Variants in HERC2 observed in about 807,000 individuals in gnomAD.
HERC2 encodes HECT and RLD domain containing E3 ubiquitin protein ligase 2, also known as E3 ubiquitin-protein ligase HERC2.
A neutral mutation model predicts 537.7 loss-of-function variants in HERC2; 102 were observed. The observed-to-expected ratio is 0.19, with a 90% CI of 0.16 to 0.22. HERC2 has a LOEUF of 0.22. Ranked by LOEUF, HERC2 falls within the 10% of genes least tolerant of loss-of-function variation. The pLI, the probability that HERC2 is intolerant of heterozygous loss-of-function variation, is 1.00. For synonymous variants in HERC2, 2,224 were observed against 2,466.2 expected (o/e 0.90, Z 2.91); for missense variants, 4,236 against 6,198.2 (o/e 0.68, Z 10.63).
At chr15:28,237,978 A>C in intron 25 of HERC2, 136 bp downstream of exon 25, 1 of 766,242 alleles carries the variant, frequency 1.3e-6, no homozygotes, top group Admixed American at 1.8e-5. Context: ...AAAACTTCTA[A>C]AGGATCTTTA....
At position 28,292,995 on chromosome 15, in the gene HERC2, T is replaced by G. The variant is rs781528176; in HGVS notation, c.215A>C (p.Lys72Thr). 3.4e-5 allele frequency: 55 copies of G among 1,610,856 alleles called. No individual in the cohort carries two copies. The highest frequency in any genetic ancestry group is 4.2e-5 in the Non-Finnish European group (50 of 1,179,596). ...CTCTTTGTCATTCAGATCTTCTTTCTTTGTTCCACTTGGTTCGACACTATC... is the reference window on the plus strand; with the variant it reads ...CTCTTTGTCATTCAGATCTTCTTTCGTTGTTCCACTTGGTTCGACACTATC... Reference protein sequence around the residue: ...KDDSVEPSGTKKEDLNDKEKK... With the variant: ...KDDSVEPSGTTKEDLNDKEKK... Residue 72 changes from lysine (K) to threonine (T), a missense_variant, in exon 4 of 93, where the codon AAG becomes ACG. Physicochemically the swap from Lys to Thr is moderately conservative, Grantham distance 78. This residue lies in a region of HERC2 where 491 missense variants were observed against 559.3 expected (regional missense o/e 0.88). Coordinates refer to ENST00000261609, the MANE Select transcript of HERC2 (RefSeq NM_004667.6).
chr15:28,156,693 G>A (rs1040573769), intron 69 of HERC2, among the ~76,000 whole-genome samples: 1 of 152,186 alleles, frequency 6.6e-6, no homozygotes, highest in African/African-American at 2.4e-5. Flanking sequence ...CATGTCATCT[G>A]CAAACAGGGA....
In HERC2 at chr15:28,246,774, T is replaced by G; in HGVS notation, c.3359A>C (p.Glu1120Ala). 6.2e-7 allele frequency: 1 copy of G among 1,605,290 alleles called. No individual in the cohort carries two copies. The highest frequency in any genetic ancestry group is 8.5e-7 in the Non-Finnish European group (1 of 1,176,368). The change falls in exon 22 of 93, where the codon GAG (glutamate) becomes GCG (alanine). Residue 1120 changes from glutamate to alanine, a missense_variant. This residue lies in a region of HERC2 where 754 missense variants were observed against 1,085.0 expected (regional missense o/e 0.69). Transcript: ENST00000261609. ...GTCCCCTTCCACAATGTAAGCCACC[T>G]CCGCGAAGTGCCGCCAGCTGGTAGA... ...IASTSWRHFA[E>A]VAYIVEGDFT...
chr15:28,158,617 A>G (rs1303861872), intron 69 of HERC2, among the ~76,000 whole-genome samples: 2 of 151,856 alleles, frequency 1.3e-5, no homozygotes, highest in African/African-American at 2.4e-5. Flanking sequence ...CTTTATTTTG[A>G]GCCTATGTGT....
rs1421547518 is a variant in HERC2, at chr15:28,177,197, C to T, written c.9255-70G>A. The stretch of plus-strand genomic sequence containing the variant: ...CTTAGAGATGAAGGAAAAAAGACAT[C>T]TATACTGATCCACATGTAGTCAACA... On this transcript the variant is annotated intron_variant, in intron 60 of 92. Coordinates refer to ENST00000261609, the MANE Select transcript of HERC2 (RefSeq NM_004667.6). This position sits in a 1 kb window ranked among gnomAD's most constrained non-coding sequence, Gnocchi z 5.0. The T allele has an allele frequency of 6.9e-7, 1 of 1,453,618 alleles. No homozygotes were observed. The highest frequency in any genetic ancestry group is 2.3e-5 in the East Asian group (1 of 43,974). 90.0% of individuals were successfully genotyped at this position (1,453,618 alleles called of 1,614,324 possible).
At position 28,192,096 on chromosome 15, in the gene HERC2, G is replaced by A. The variant is rs953538474; in HGVS notation, c.8316C>T (p.Ser2772=). The change falls in exon 53 of 93, where the codon AGC becomes AGT. Residue 2772 remains serine (S), a synonymous_variant. Coordinates refer to ENST00000261609, the MANE Select transcript of HERC2 (RefSeq NM_004667.6). ...TGTCCAGCAGCATGCCTGGCTGGCT[G>A]CTGTGGCAACGCTTCAGCTGTTTTC... ...RSGKQLKRCH[S]SQPGMLLDSW... 1 of 1,614,008 alleles carries A rather than the reference G, an allele frequency of 6.2e-7. No individual in the cohort carries two copies. The highest frequency in any genetic ancestry group is 8.5e-7 in the Non-Finnish European group (1 of 1,180,000).
At chr15:28,202,271 C>T (rs771078132) in intron 46 of HERC2, 22 bp from the exon 47 acceptor site, 2 of 1,612,766 alleles carry the variant, frequency 1.2e-6, no homozygotes, top group Non-Finnish European at 1.7e-6. Context: ...ACACACAGCA[C>T]AGCAGCCACT....
At chr15:28,128,130 C>A (rs1460269344) in intron 83 of HERC2, among the ~76,000 whole-genome samples, 2 of 152,136 alleles carry the variant, frequency 1.3e-5, no homozygotes, top group African/African-American at 4.8e-5. Context: ...GAATGTGCTA[C>A]AAAATAACTG....
chr15:28,238,279 G>C (rs1224763177), intron 24 of HERC2, 62 bp from the exon 25 acceptor site: 1 of 1,194,204 alleles, frequency 8.4e-7, no homozygotes, highest in Non-Finnish European at 1.3e-6. Flanking sequence ...AGATATAGGA[G>C]AAACAGTGAA....
Position 28,246,044 on chromosome 15 carries a change from T to C in HERC2, c.3414A>G (p.Val1138=). Residue 1138 remains valine (V), a synonymous_variant, in exon 23 of 93, where the codon GTA becomes GTG. Coordinates refer to ENST00000261609, the MANE Select transcript of HERC2 (RefSeq NM_004667.6). ...DFTGVLLPEL[V]VSIVLLLSKN... ...TACTGAGCAGAAGCACTATAGAAACTACTAGTTCTGGAAGGAGAACACCTA... is the reference window on the plus strand; with the variant it reads ...TACTGAGCAGAAGCACTATAGAAACCACTAGTTCTGGAAGGAGAACACCTA... 1 of 1,608,550 alleles carries C rather than the reference T, an allele frequency of 6.2e-7. No individual in the cohort carries two copies. Among genetic ancestry groups the C allele is most frequent in the Non-Finnish European group, 8.5e-7 (1 of 1,176,728 alleles).
intron 68 of HERC2, among the ~76,000 whole-genome samples, chr15:28,164,324 C>T (rs1003266373): frequency 4.6e-5 from 7 of 152,178 alleles, no homozygotes; most frequent in Admixed American, 4.6e-4. Context: ...CCAGTGGACC[C>T]TGGAAACCAC....
chr15:28,284,923 A>G lies in HERC2; in HGVS notation c.323-4636T>C, dbSNP rs796890353. On this transcript the variant is annotated intron_variant, in intron 4 of 92. Coordinates refer to ENST00000261609, the MANE Select transcript of HERC2 (RefSeq NM_004667.6). ...AAGGAGCGAAACTCCGTCTCGGAAA[A>G]AAAAAAAAAAAAAAAAAAAAAAAAA... Among the ~76,000 whole-genome samples, 551 of 136,102 alleles carry G rather than the reference A, an allele frequency of 4.0e-3. 1 individual carries two copies. The highest frequency in any genetic ancestry group is 0.017 in the African/African-American group (520 of 30,656). The allele number at this position is 136,102 out of a possible 152,430, so 89.3% of individuals were successfully genotyped here.
At chr15:28,274,164 A>T in intron 7 of HERC2, 127 bp downstream of exon 7, 1 of 833,558 alleles carries the variant, frequency 1.2e-6, no homozygotes, top group Non-Finnish European at 1.9e-6. Context: ...CACAGCACTG[A>T]CAGCCCGCTG....
At chr15:28,156,624 T>C (rs766256958) in intron 69 of HERC2, among the ~76,000 whole-genome samples, 1 of 152,224 alleles carries the variant, frequency 6.6e-6, no homozygotes, top group Non-Finnish European at 1.5e-5. Flanking sequence ...TTTGCTGAAG[T>C]TGCTGATCAG....
At chr15:28,114,550 A>G in intron 90 of HERC2, 62 bp downstream of exon 90, 8 of 1,499,394 alleles carry the variant, frequency 5.3e-6, no homozygotes, top group Non-Finnish European at 7.4e-6. Flanking sequence ...ACATGTCCAC[A>G]CAACCACGTT....
At chr15:28,267,656 C>T (rs1053254932) in intron 12 of HERC2, among the ~76,000 whole-genome samples, 2 of 152,236 alleles carry the variant, frequency 1.3e-5, no homozygotes, top group South Asian at 2.1e-4. Flanking sequence ...CCACACGATA[C>T]GCATTACTCT....
intron 52 of HERC2, among the ~76,000 whole-genome samples, chr15:28,192,663 G>A (rs1233413697): frequency 2.6e-5 from 4 of 152,136 alleles, no homozygotes; most frequent in East Asian, 1.9e-4. Flanking sequence ...GGTCAGAACC[G>A]CAGGAAGACC....
chr15:28,142,461 G>A, intron 75 of HERC2, 68 bp from the exon 76 acceptor site: 1 of 1,491,338 alleles, frequency 6.7e-7, no homozygotes, highest in South Asian at 1.3e-5. Flanking sequence ...AGGTTTCTGT[G>A]GCTCCTTCCG....
intron 52 of HERC2, among the ~76,000 whole-genome samples, chr15:28,195,270 C>T (rs1454587181): frequency 3.3e-5 from 5 of 151,944 alleles, no homozygotes; most frequent in Non-Finnish European, 5.9e-5. Context: ...CAGAGTGAGA[C>T]TCTGTCTCAA....
Sources: gnomAD v4.1 joint callset for allele counts (sites outside exome capture counted in the v4.1 genomes callset) on GRCh38, gnomAD v4.1.1 for gene constraint, gnomAD v4.1.1 regional missense constraint, Gnocchi (gnomAD v3.1) non-coding constraint, MANE v1.5 for transcripts, NCBI Gene and HGNC (gene_info 2026-07-23, HGNC 2026-07-21) for gene names.